PRPS2: variants seen among roughly 807,000 people sequenced by gnomAD.
PRPS2 encodes ribose-phosphate pyrophosphokinase 2.
For missense variants in PRPS2, 104 were observed against 271.5 expected (o/e 0.38, Z 4.34); for synonymous variants, 111 against 115.3 (o/e 0.96, Z 0.24).
chrX:12,805,797 G>C (rs2042590553), intron 2 of PRPS2, among the ~76,000 whole-genome samples: 1 of 112,147 alleles, frequency 8.9e-6, no homozygotes, highest in African/African-American at 3.2e-5. Flanking sequence ...GTTGGGCCGG[G>C]CATGGTGGCT....
chrX:12,792,260 C>T (rs2042523464), intron 1 of PRPS2, among the ~76,000 whole-genome samples: 1 of 112,410 alleles, frequency 8.9e-6, no homozygotes, highest in South Asian at 3.6e-4. Flanking sequence ...GGGCGCAGAC[C>T]ACTGCGTTAT....
At chrX:12,797,371 A>T (rs1292324064) in intron 1 of PRPS2, among the ~76,000 whole-genome samples, 1 of 110,824 alleles carries the variant, frequency 9.0e-6, no homozygotes, top group Non-Finnish European at 1.9e-5. Flanking sequence ...AAAAAAAAAA[A>T]AAATTACATA....
intron 4 of PRPS2, among the ~76,000 whole-genome samples, chrX:12,819,125 T>C (rs760729636): frequency 4.4e-5 from 5 of 112,831 alleles, no homozygotes; most frequent in African/African-American, 9.7e-5. Context: ...TAACCAGGAC[T>C]TTTGTCCCCA....
chrX:12,809,949 T>C (rs2042614751), intron 3 of PRPS2, 73 bp from the exon 4 acceptor site: 25 of 1,081,581 alleles, frequency 2.3e-5, no homozygotes, highest in Non-Finnish European at 2.9e-5. Context: ...ATGAAAGCGA[T>C]TATCGTTTAA....
intron 2 of PRPS2, 127 bp downstream of exon 2, chrX:12,799,517 G>C (rs1337243705): frequency 2.6e-6 from 2 of 759,402 alleles, no homozygotes; most frequent in Admixed American, 3.8e-5. Flanking sequence ...AAGTAAATAT[G>C]CTTTCTTATT....
In PRPS2 at chrX:12,791,445, G is replaced by A. The variant is rs2042517204; in HGVS notation, c.-53G>A. The stretch of plus-strand genomic sequence containing the variant: ...AGCCTCCCGCGTCGCTGTCGCTGTT[G>A]CCTCCGCCACCTCCTCCGCCGCCGC... On this transcript the variant is annotated 5_prime_UTR_variant, in exon 1 of 7. Transcript: ENST00000380668. The A allele has an allele frequency of 8.5e-7, 1 of 1,173,293 alleles. No homozygotes were observed. Among genetic ancestry groups the A allele is most frequent in the Non-Finnish European group, 1.1e-6 (1 of 875,290 alleles).
At chrX:12,805,566 T>C (rs1182292082) in intron 2 of PRPS2, among the ~76,000 whole-genome samples, 1 of 112,324 alleles carries the variant, frequency 8.9e-6, no homozygotes, top group African/African-American at 3.2e-5. Context: ...AAACTTTATG[T>C]GCACTGAAAT....
chrX:12,804,788 G>C (rs1165986035), intron 2 of PRPS2, among the ~76,000 whole-genome samples: 1 of 111,552 alleles, frequency 9.0e-6, no homozygotes, highest in Non-Finnish European at 1.9e-5. Flanking sequence ...ACCTACACTT[G>C]ATCTCTCATC....
At chrX:12,807,505 G>A (rs1257560618) in intron 2 of PRPS2, among the ~76,000 whole-genome samples, 1 of 112,218 alleles carries the variant, frequency 8.9e-6, no homozygotes, top group Non-Finnish European at 1.9e-5. Flanking sequence ...TTATTATCCT[G>A]GAACTTTGTT....
intron 6 of PRPS2, among the ~76,000 whole-genome samples, chrX:12,822,171 G>C (rs1397032680): frequency 8.9e-6 from 1 of 111,973 alleles, no homozygotes; most frequent in East Asian, 2.8e-4. Flanking sequence ...TCAGAGCACA[G>C]CCACGTCCAT....
intron 2 of PRPS2, among the ~76,000 whole-genome samples, chrX:12,804,644 G>A (rs1175916896): frequency 9.0e-6 from 1 of 111,136 alleles, no homozygotes; most frequent in East Asian, 2.8e-4. Context: ...CTGTTTACCA[G>A]TACAGGTGAA....
intron 4 of PRPS2, among the ~76,000 whole-genome samples, chrX:12,814,008 G>A (rs1478257680): frequency 9.4e-6 from 1 of 106,773 alleles, no homozygotes; most frequent in African/African-American, 3.5e-5. Context: ...AATGTCCCAA[G>A]TTTACTTCCA....
intron 3 of PRPS2, among the ~76,000 whole-genome samples, 154 bp downstream of exon 3, chrX:12,809,486 A>ATTT: frequency 8.9e-6 from 1 of 111,924 alleles, no homozygotes; most frequent in Non-Finnish European, 1.9e-5. Flanking sequence ...TAGTACTTCC[A>ATTT]GTCTCTATCA....
rs2042616014 is a variant in PRPS2, at chrX:12,810,111, T to C, written c.495T>C (p.Cys165=). The C allele has an allele frequency of 8.2e-7, 1 of 1,212,137 alleles. No homozygotes were observed. Among genetic ancestry groups the C allele is most frequent in the East Asian group, 3.0e-5 (1 of 33,863 alleles). The change falls in exon 4 of 7, where the codon TGT becomes TGC. Residue 165 remains cysteine (C), a synonymous_variant. Coordinates refer to ENST00000380668, the MANE Select transcript of PRPS2 (RefSeq NM_002765.5). ...IRENIAEWKN[C]IIVSPDAGGA... ...AAAACATTGCCGAGTGGAAGAACTG[T>C]ATCATTGTTTCACCTGACGCAGGGG...
chrX:12,818,205 C>T (rs937286171), intron 4 of PRPS2, among the ~76,000 whole-genome samples: 2 of 108,508 alleles, frequency 1.8e-5, no homozygotes, highest in Admixed American at 9.9e-5. Flanking sequence ...CCTGTCTCTA[C>T]TAAAAATACA....
chrX:12,802,049 C>T (rs368540829), intron 2 of PRPS2, among the ~76,000 whole-genome samples: 35 of 112,715 alleles, frequency 3.1e-4, no homozygotes, highest in South Asian at 1.1e-3. Context: ...CACTATTACC[C>T]GATTTGTAAC....
chrX:12,809,460 A>G (rs1204731970), intron 3 of PRPS2, 128 bp downstream of exon 3: 5 of 686,417 alleles, frequency 7.3e-6, no homozygotes, highest in Non-Finnish European at 1.1e-5. Context: ...CTAAACTTGA[A>G]AATATAATTT....
At chrX:12,820,871 A>G in intron 6 of PRPS2, 68 bp downstream of exon 6, 3 of 1,112,990 alleles carry the variant, frequency 2.7e-6, no homozygotes, top group Non-Finnish European at 3.6e-6. Context: ...AAATAGCATC[A>G]TGTCTTGTGT....
intron 5 of PRPS2, 64 bp from the exon 6 acceptor site, chrX:12,820,580 A>G (rs1340816842): frequency 9.0e-7 from 1 of 1,105,256 alleles, no homozygotes; most frequent in African/African-American, 1.8e-5. Flanking sequence ...TACCATTCAT[A>G]CTAGGGGAGA....
Sources: allele counts gnomAD v4.1 joint callset (sites outside exome capture counted in the v4.1 genomes callset), GRCh38; gene constraint gnomAD v4.1.1; transcripts MANE v1.5; gene names NCBI Gene and HGNC (gene_info 2026-07-23, HGNC 2026-07-21).